The following SMAGP variants were observed in gnomAD, a reference collection of about 807,000 sequenced individuals.
SMAGP encodes the protein small cell transmembrane and glycosylated protein.
In SMAGP, 7 loss-of-function variants were observed where a neutral mutation model predicts 10.1. The ratio of observed to expected loss-of-function variants is 0.70; its 90% CI spans 0.40 to 1.31. The LOEUF (loss-of-function observed/expected upper bound fraction) is 1.31. SMAGP is among the 50% of genes most tolerant of loss of function. SMAGP has a pLI of 0.01. For missense variants in SMAGP, 113 were observed against 116.5 expected, an observed-to-expected ratio of 0.97 and a Z score of 0.14; for synonymous variants, 49 against 47.2, an observed-to-expected ratio of 1.04 and a Z score of -0.16.
intron 3 of SMAGP, 196 bp downstream of exon 3, chr12:51,246,555 T>C (rs1024754951): frequency 2.5e-5 from 12 of 476,422 alleles, no homozygotes; most frequent in African/African-American, 1.8e-4. Flanking sequence ...CCTCCCAACC[T>C]GTCATTTACT....
chr12:51,268,282 C>A (rs183191639), intron 2 of SMAGP, among the ~76,000 whole-genome samples: 163 of 152,100 alleles, frequency 1.1e-3, no homozygotes, highest in African/African-American at 3.7e-3. Flanking sequence ...CGAGATACTA[C>A]ACACTCTTCT....
At position 51,246,007 on chromosome 12, in the gene SMAGP, G is replaced by A; in HGVS notation, c.228C>T (p.Pro76=). 6.2e-7 allele frequency: 1 copy of A among 1,613,916 alleles called. No individual in the cohort carries two copies. Among genetic ancestry groups the A allele is most frequent in the Non-Finnish European group, 8.5e-7 (1 of 1,179,832 alleles). Residue 76 remains proline (P), a synonymous_variant, in exon 4 of 4, where the codon CCC becomes CCT. Transcript: ENST00000603798. ...CACTCTCCATCTGGACGATGGCACT[G>A]GGCTCACCTTCTGTAGGTTCATAGG... The part of the protein sequence containing the change: ...YVTYEPTEGE[P]SAIVQMESDL...
chr12:51,250,430 C>G (rs1156581997), intron 2 of SMAGP, among the ~76,000 whole-genome samples: 1 of 151,608 alleles, frequency 6.6e-6, no homozygotes, highest in East Asian at 1.9e-4. Context: ...TGAATCCTGC[C>G]TAAGCATATT....
In SMAGP at chr12:51,269,270, G is replaced by A. The variant is rs2137314671; in HGVS notation, c.9C>T (p.Ser3=). 2 of 1,613,948 alleles carry A rather than the reference G, an allele frequency of 1.2e-6. No homozygotes were observed. The highest frequency in any genetic ancestry group is 1.7e-6 in the Non-Finnish European group (2 of 1,179,834). Residue 3 remains serine, a synonymous_variant, in exon 2 of 4, where the codon AGC becomes AGT. Transcript: ENST00000603798. MT[S]LLTTPSPREE... ...CTCTTGGAGAAGGAGTAGTCAGGAG[G>A]CTGGTCATTGTCACTAGTGGTTGAG...
intron 2 of SMAGP, among the ~76,000 whole-genome samples, chr12:51,252,552 C>T (rs1299300072): frequency 2.0e-5 from 3 of 151,990 alleles, no homozygotes; most frequent in Non-Finnish European, 4.4e-5. Flanking sequence ...CCACCACACC[C>T]GGCTAATTTT....
intron 2 of SMAGP, among the ~76,000 whole-genome samples, chr12:51,257,126 GA>G (rs1944892644): frequency 6.6e-6 from 1 of 152,164 alleles, no homozygotes; most frequent in Admixed American, 6.5e-5. Context: ...GACTGGAGGG[GA>G]AAGGGAGTTC....
At chr12:51,249,340 C>G (rs941819031) in intron 2 of SMAGP, among the ~76,000 whole-genome samples, 5 of 152,178 alleles carry the variant, frequency 3.3e-5, no homozygotes, top group African/African-American at 1.2e-4. Flanking sequence ...CAACTTGAAG[C>G]TGGTTGGTCA....
intron 2 of SMAGP, among the ~76,000 whole-genome samples, chr12:51,253,822 C>A (rs2137300485): frequency 6.6e-6 from 1 of 152,234 alleles, no homozygotes; most frequent in Admixed American, 6.5e-5. Flanking sequence ...AGGAGAATCA[C>A]TTGAACCCGG....
chr12:51,246,604 CTGTGTGTGTGTGTGTGTG>C lies in SMAGP; in HGVS notation c.115+129_115+146del, dbSNP rs59561227. ...ACAGAAGCCTCCGAGTCTTTTATGG[CTGTGTGTGTGTGTGTGTG>C]TGTGTGTGTGTGTGTGTAATATAAC... On this transcript the variant is annotated intron_variant, in intron 3 of 3. Transcript: ENST00000603798. 2.5e-3 allele frequency: 862 copies of C among 338,208 alleles called. 5 individuals are homozygous for C. The highest frequency in any genetic ancestry group is 0.019 in the African/African-American group (805 of 43,056). 21.0% of individuals were successfully genotyped at this position (338,208 alleles called of 1,614,324 possible).
chr12:51,251,429 A>AG (rs1267055573), intron 2 of SMAGP: 1 of 152,512 alleles, frequency 6.6e-6, no homozygotes, highest in East Asian at 1.9e-4. Context: ...AAAAAAAAAA[A>AG]AAAAAAAAAA....
At chr12:51,261,283 C>G (rs1293298900) in intron 2 of SMAGP, among the ~76,000 whole-genome samples, 1 of 148,016 alleles carries the variant, frequency 6.8e-6, no homozygotes, top group African/African-American at 2.5e-5. Context: ...TTTTAGTAAA[C>G]ACAGGGTTTC....
At chr12:51,267,481 C>T (rs1236302741) in intron 2 of SMAGP, among the ~76,000 whole-genome samples, 13 of 130,888 alleles carry the variant, frequency 9.9e-5, no homozygotes, top group Admixed American at 4.0e-4. Flanking sequence ...CCCCCCACTC[C>T]GTGTCCCCCT....
chr12:51,246,460 C>T (rs1592230348), intron 3 of SMAGP: 2 of 426,710 alleles, frequency 4.7e-6, no homozygotes. Context: ...CCCCCTCTTC[C>T]TCACCCACTC....
At chr12:51,248,426 A>ACTCTCTCTCTCT (rs1944801847) in intron 2 of SMAGP, among the ~76,000 whole-genome samples, 3 of 112,240 alleles carry the variant, frequency 2.7e-5, no homozygotes, top group African/African-American at 1.1e-4. Context: ...ACACACACAC[A>ACTCTCTCTCTCT]CACACACACT....
intron 2 of SMAGP, among the ~76,000 whole-genome samples, chr12:51,247,461 A>G (rs946475055): frequency 3.9e-5 from 6 of 152,094 alleles, no homozygotes; most frequent in African/African-American, 1.4e-4. Flanking sequence ...CCTCTACCCT[A>G]AAATAGATCC....
intron 2 of SMAGP, among the ~76,000 whole-genome samples, chr12:51,264,748 A>G (rs1261821751): frequency 1.3e-5 from 2 of 152,006 alleles, no homozygotes; most frequent in Non-Finnish European, 2.9e-5. Flanking sequence ...CCTGGGCAAC[A>G]TGGTGAAACC....
intron 2 of SMAGP, among the ~76,000 whole-genome samples, chr12:51,261,283 C>T (rs1293298900): frequency 3.4e-5 from 5 of 147,894 alleles, no homozygotes; most frequent in African/African-American, 1.0e-4. Flanking sequence ...TTTTAGTAAA[C>T]ACAGGGTTTC....
intron 2 of SMAGP, among the ~76,000 whole-genome samples, chr12:51,267,475 C>G (rs200536539): frequency 5.9e-4 from 85 of 144,812 alleles, no homozygotes; most frequent in African/African-American, 1.9e-3. Flanking sequence ...TTCCCCCCCC[C>G]CACTCCGTGT....
chr12:51,262,924 C>T (rs1249991755), intron 2 of SMAGP, among the ~76,000 whole-genome samples: 2 of 152,158 alleles, frequency 1.3e-5, no homozygotes, highest in Non-Finnish European at 2.9e-5. Flanking sequence ...CCCTGGGACT[C>T]GGCCCCCTTT....
Sources: gnomAD v4.1 joint callset for allele counts (sites outside exome capture counted in the v4.1 genomes callset) on GRCh38, gnomAD v4.1.1 for gene constraint, MANE v1.5 for transcripts, NCBI Gene and HGNC (gene_info 2026-07-23, HGNC 2026-07-21) for gene names.